The following SLC7A1 variants were observed in gnomAD, a reference collection of about 807,000 sequenced individuals.
The protein encoded by SLC7A1 is high affinity cationic amino acid transporter 1.
In SLC7A1, 10 loss-of-function variants were observed where a neutral mutation model predicts 53.9. The ratio of observed to expected loss-of-function variants is 0.19; its 90% CI spans 0.11 to 0.31. The LOEUF (loss-of-function observed/expected upper bound fraction) is 0.31. Among genes scored for constraint, SLC7A1 ranks in the 10% least tolerant of loss-of-function variants. SLC7A1 has a pLI of 1.00. For synonymous variants in SLC7A1, 342 were observed against 338.7 expected (o/e 1.01, Z -0.11); for missense variants, 525 against 827.2 (o/e 0.63, Z 4.48).
intron 2 of SLC7A1, among the ~76,000 whole-genome samples, chr13:29,542,119 C>T (rs1197205316): frequency 1.3e-5 from 2 of 152,124 alleles, no homozygotes; most frequent in African/African-American, 2.4e-5. Context: ...ACGGGGAGTA[C>T]AGGCAGAGAA....
At chr13:29,524,352 A>G in intron 5 of SLC7A1, 99 bp from the exon 6 acceptor site, 1 of 1,483,218 alleles carries the variant, frequency 6.7e-7, no homozygotes, top group East Asian at 2.3e-5. Context: ...CCTGGCAGTC[A>G]GCCCTCCCTG....
chr13:29,565,649 C>G (rs566550118), intron 1 of SLC7A1, among the ~76,000 whole-genome samples: 4 of 152,318 alleles, frequency 2.6e-5, no homozygotes, highest in Admixed American at 6.5e-5. Context: ...TGCCATCTGC[C>G]AGGACACAGG....
At chr13:29,563,919 T>G (rs1015887184) in intron 1 of SLC7A1, among the ~76,000 whole-genome samples, 2 of 152,166 alleles carry the variant, frequency 1.3e-5, no homozygotes, top group Non-Finnish European at 2.9e-5. Flanking sequence ...GAGGCAGTTT[T>G]CACCATGGGG....
In SLC7A1 at chr13:29,585,239, T is replaced by C. The variant is rs1871831264; in HGVS notation, c.-115+10177A>G. Among the ~76,000 whole-genome samples the C allele has an allele frequency of 2.0e-5, 3 of 152,302 alleles. No individual in the cohort carries two copies. In the South Asian group the frequency reaches 6.2e-4, roughly 32 times the overall value. ...CTTGACTCTTCAACTTTCTTTGCCC[T>C]AACTGGTCTGGATGGAGAATTGACT... is the stretch of plus-strand genomic sequence containing the variant. On this transcript the variant is annotated intron_variant, in intron 1 of 12. Transcript: ENST00000380752.
At chr13:29,546,787 T>C (rs1490120483) in intron 2 of SLC7A1, among the ~76,000 whole-genome samples, 1 of 152,116 alleles carries the variant, frequency 6.6e-6, no homozygotes, top group Non-Finnish European at 1.5e-5. Context: ...CTATGAACAA[T>C]GGGGCACAGC....
chr13:29,551,334 A>G (rs1870172923), intron 2 of SLC7A1, among the ~76,000 whole-genome samples: 1 of 152,232 alleles, frequency 6.6e-6, no homozygotes, highest in Admixed American at 6.5e-5. Context: ...GTGATAAACC[A>G]AACAACAAGC....
chr13:29,533,342 A>G (rs1018577952), intron 3 of SLC7A1, among the ~76,000 whole-genome samples: 4 of 152,212 alleles, frequency 2.6e-5, no homozygotes, highest in Non-Finnish European at 4.4e-5. Context: ...TAAAAAAAGT[A>G]AACATTGATG....
At chr13:29,590,071 A>G (rs912312922) in intron 1 of SLC7A1, among the ~76,000 whole-genome samples, 44 of 152,132 alleles carry the variant, frequency 2.9e-4, no homozygotes, top group African/African-American at 1.0e-3. Flanking sequence ...GACAAGATGC[A>G]GAGAAGGACA....
intron 1 of SLC7A1, among the ~76,000 whole-genome samples, chr13:29,591,612 T>C (rs1004779159): frequency 7.9e-5 from 12 of 152,194 alleles, no homozygotes; most frequent in African/African-American, 2.4e-4. Context: ...GAATCCGATC[T>C]GAACAAGTAT....
At chr13:29,564,710 G>A (rs1870895621) in intron 1 of SLC7A1, among the ~76,000 whole-genome samples, 1 of 152,164 alleles carries the variant, frequency 6.6e-6, no homozygotes, top group South Asian at 2.1e-4. Context: ...CTCAACCATG[G>A]ACTAGCTGAA....
At chr13:29,591,311 G>T (rs56384273) in intron 1 of SLC7A1, among the ~76,000 whole-genome samples, 1 of 152,178 alleles carries the variant, frequency 6.6e-6, no homozygotes, top group Non-Finnish European at 1.5e-5. Flanking sequence ...ATATGAAAAA[G>T]AATTTAAATG....
intron 2 of SLC7A1, among the ~76,000 whole-genome samples, chr13:29,553,309 T>C (rs1426277746): frequency 1.3e-5 from 2 of 152,122 alleles, no homozygotes; most frequent in Non-Finnish European, 2.9e-5. Flanking sequence ...GCAGGACGCA[T>C]CACAGCCGCT....
chr13:29,590,961 T>C (rs777997524), intron 1 of SLC7A1, among the ~76,000 whole-genome samples: 2 of 151,872 alleles, frequency 1.3e-5, no homozygotes, highest in Non-Finnish European at 2.9e-5. Context: ...AAAATAAAAA[T>C]TAGCCGGGTG....
chr13:29,567,781 G>C (rs1031954165), intron 1 of SLC7A1, among the ~76,000 whole-genome samples: 1 of 152,146 alleles, frequency 6.6e-6, no homozygotes, highest in African/African-American at 2.4e-5. Context: ...GGCTCAAGGA[G>C]ACTGACAGCC....
chr13:29,551,987 C>T (rs1286844262), intron 2 of SLC7A1, among the ~76,000 whole-genome samples: 1 of 152,124 alleles, frequency 6.6e-6, no homozygotes, highest in Non-Finnish European at 1.5e-5. Context: ...TGGGCAGCCC[C>T]TCCTTCCTCC....
In SLC7A1 at chr13:29,530,426, T is replaced by C. The variant is rs1446310221; in HGVS notation, c.704+112A>G. On this transcript the variant is annotated intron_variant, in intron 5 of 12. Coordinates refer to ENST00000380752, the MANE Select transcript of SLC7A1 (RefSeq NM_003045.5). ...AAAACACAAAACAATTAACAAAATA[T>C]CCTCAAATAATGTTTTCTTAAAAGC... The C allele has an allele frequency of 3.1e-6, 3 of 964,566 alleles. No individual in the cohort carries two copies. In the South Asian group the frequency reaches 5.1e-5, roughly 17 times the overall value. 59.8% of individuals were successfully genotyped at this position (964,566 alleles called of 1,614,324 possible).
chr13:29,525,023 G>A (rs1347617277), intron 5 of SLC7A1, among the ~76,000 whole-genome samples: 1 of 152,192 alleles, frequency 6.6e-6, no homozygotes, highest in East Asian at 1.9e-4. Flanking sequence ...CCTGTCGGGG[G>A]TCCTTCAAGC....
At chr13:29,516,821 G>A in intron 11 of SLC7A1, 1 of 254,956 alleles carries the variant, frequency 3.9e-6, no homozygotes, top group Non-Finnish European at 7.4e-6. Flanking sequence ...GATCACAAGG[G>A]ACATTTATTT....
At chr13:29,585,103 C>G (rs1022081249) in intron 1 of SLC7A1, among the ~76,000 whole-genome samples, 24 of 152,216 alleles carry the variant, frequency 1.6e-4, no homozygotes, top group Non-Finnish European at 3.1e-4. Context: ...GCAAACCACA[C>G]TGGGGAATTC....
Sources: gnomAD v4.1 joint callset for allele counts (sites outside exome capture counted in the v4.1 genomes callset) on GRCh38, gnomAD v4.1.1 for gene constraint, MANE v1.5 for transcripts, NCBI Gene and HGNC (gene_info 2026-07-23, HGNC 2026-07-21) for gene names.